The following ADRA1A variants were observed in gnomAD, a reference collection of about 807,000 sequenced individuals.
ADRA1A encodes alpha-1A adrenergic receptor.
A neutral mutation model predicts 29.6 loss-of-function variants in ADRA1A; 31 were observed. That is an observed-to-expected ratio of 1.05 (90% CI 0.79 to 1.41). The LOEUF is 1.41. Among genes scored for constraint, ADRA1A ranks in the 40% most tolerant of loss-of-function variants. The pLI is 0.00. For missense variants in ADRA1A, 619 were observed against 601.1 expected (o/e 1.03, Z -0.31); for synonymous variants, 311 against 254.3 (o/e 1.22, Z -2.12).
intron 2 of ADRA1A, among the ~76,000 whole-genome samples, chr8:26,807,095 C>T (rs370828574): frequency 6.6e-6 from 1 of 152,168 alleles, no homozygotes; most frequent in Non-Finnish European, 1.5e-5. Flanking sequence ...CAAAAAGAAG[C>T]CTTGTAATAC....
intron 2 of ADRA1A, among the ~76,000 whole-genome samples, chr8:26,828,031 C>G (rs6997414): frequency 0.077 from 11,640 of 152,004 alleles, 1,465 homozygotes; most frequent in African/African-American, 0.27. Context: ...GTAGCTGGGA[C>G]CACAGGCATG....
chr8:26,851,530 A>G (rs553993234), intron 2 of ADRA1A, among the ~76,000 whole-genome samples: 10 of 152,342 alleles, frequency 6.6e-5, no homozygotes, highest in African/African-American at 2.4e-4. Context: ...ACAAATACCC[A>G]TATTAGAAAC....
chr8:26,803,581 T>C (rs1808755407), intron 2 of ADRA1A, among the ~76,000 whole-genome samples: 1 of 152,162 alleles, frequency 6.6e-6, no homozygotes. Flanking sequence ...ATAAATAAGC[T>C]TGATCAAAAT....
At chr8:26,755,265 C>T (rs546028983), downstream of ADRA1A, among the ~76,000 whole-genome samples, 5 of 151,510 alleles carry the variant, frequency 3.3e-5, no homozygotes, top group African/African-American at 4.8e-5. Flanking sequence ...AAGAGAATCA[C>T]GCAACTGGGA....
chr8:26,812,281 C>T (rs1350377335), intron 2 of ADRA1A, among the ~76,000 whole-genome samples: 1 of 152,194 alleles, frequency 6.6e-6, no homozygotes, highest in African/African-American at 2.4e-5. Flanking sequence ...ACCTATTTTT[C>T]TTCTGAGGCT....
In ADRA1A at chr8:26,803,462, G is replaced by C. The variant is rs184792131; in HGVS notation, c.884-32796C>G. Among the ~76,000 whole-genome samples, 421 of 152,196 alleles carry C rather than the reference G, an allele frequency of 2.8e-3. 8 individuals are homozygous for C. Among genetic ancestry groups the C allele is most frequent in the Admixed American group, 0.023 (359 of 15,280 alleles). On this transcript the variant is annotated intron_variant, in intron 2 of 2. Coordinates refer to ENST00000380573, the MANE Select transcript of ADRA1A (RefSeq NM_000680.4). The stretch of plus-strand genomic sequence containing the variant: ...ATGGAGTCTGAACATAAACATAAAA[G>C]CTAAACCTATAAAGCTTTAAGAAGA...
chr8:26,865,313 G>A lies in ADRA1A; in HGVS notation c.-344C>T. 8.9e-7 allele frequency: 1 copy of A among 1,126,662 alleles called. No homozygotes were observed. The highest frequency in any genetic ancestry group is 1.1e-6 in the Non-Finnish European group (1 of 919,676). 69.8% of individuals were successfully genotyped at this position (1,126,662 alleles called of 1,614,324 possible). A position where few individuals can be genotyped will look rare whatever the true frequency, so the allele number is the denominator to read the frequency against. On this transcript the variant is annotated 5_prime_UTR_variant, in exon 2 of 3. Coordinates refer to ENST00000380573, the MANE Select transcript of ADRA1A (RefSeq NM_000680.4). This position sits in a 1 kb window ranked among gnomAD's most constrained non-coding sequence, Gnocchi z 7.6. ...AGATCCAGGAGACTCCTTGCAACAT[G>A]CAATTCCAGAATTACGAGAATCTGC...
chr8:26,766,180 GGTGA>G (rs771285520), downstream of ADRA1A: 9 of 1,400,702 alleles, frequency 6.4e-6, no homozygotes, highest in Non-Finnish European at 9.1e-6. Flanking sequence ...TTGGAATACA[GGTGA>G]GTGAGAGTGA....
chr8:26,842,717 G>A (rs111343525), intron 2 of ADRA1A, among the ~76,000 whole-genome samples: 5,469 of 152,038 alleles, frequency 0.036, 151 homozygotes, highest in African/African-American at 0.077. Context: ...TGATTTCATG[G>A]CCAAAACCTT....
At chr8:26,857,634 C>T (rs1813147723) in intron 2 of ADRA1A, among the ~76,000 whole-genome samples, 1 of 152,084 alleles carries the variant, frequency 6.6e-6, no homozygotes, top group African/African-American at 2.4e-5. Context: ...GAACTCCAGT[C>T]TGGGTGAAAG....
Position 26,775,287 on chromosome 8 carries a change from C to A in ADRA1A, c.884-4621G>T, listed in dbSNP as rs566700795. On this transcript the variant is annotated intron_variant, in intron 2 of 2. Coordinates refer to ENST00000380573, the MANE Select transcript of ADRA1A (RefSeq NM_000680.4). This position sits in a 1 kb window ranked among gnomAD's most constrained non-coding sequence, Gnocchi z 4.1. ...CAGTGTGGCTTGGTTTTCTTTTCTG[C>A]GTGATGGCTGTAGCCTCATATTATC... Among the ~76,000 whole-genome samples, 1 of 152,140 alleles carries A rather than the reference C, an allele frequency of 6.6e-6. No individual in the cohort carries two copies. Among genetic ancestry groups the A allele is most frequent in the Non-Finnish European group, 1.5e-5 (1 of 68,024 alleles).
intron 2 of ADRA1A, among the ~76,000 whole-genome samples, chr8:26,801,886 A>C (rs1452075113): frequency 6.6e-6 from 1 of 152,200 alleles, no homozygotes; most frequent in Non-Finnish European, 1.5e-5. Flanking sequence ...GTACCGGCAT[A>C]AAAACAGACA....
intron 2 of ADRA1A, among the ~76,000 whole-genome samples, chr8:26,838,643 G>A (rs917035905): frequency 8.5e-5 from 13 of 152,184 alleles, no homozygotes; most frequent in Admixed American, 8.5e-4. Flanking sequence ...GCCCTGGAGA[G>A]AAGGAAGCTT....
intron 2 of ADRA1A, among the ~76,000 whole-genome samples, chr8:26,853,149 T>G (rs757830931): frequency 6.6e-6 from 1 of 152,172 alleles, no homozygotes; most frequent in Non-Finnish European, 1.5e-5. Context: ...AAAATACATT[T>G]TAAATCTAGA....
chr8:26,753,020 A>G (rs573842647), downstream of ADRA1A, among the ~76,000 whole-genome samples: 93 of 152,310 alleles, frequency 6.1e-4, no homozygotes, highest in East Asian at 3.9e-3. Context: ...TTAGGAGCCT[A>G]TAACAGCTGC....
At chr8:26,862,140 C>T (rs1175692393) in intron 2 of ADRA1A, among the ~76,000 whole-genome samples, 2 of 152,144 alleles carry the variant, frequency 1.3e-5, no homozygotes. Flanking sequence ...ACTTGACTGC[C>T]CCCTCCCTGT....
At chr8:26,804,796 C>G (rs1262722661) in intron 2 of ADRA1A, among the ~76,000 whole-genome samples, 1 of 152,062 alleles carries the variant, frequency 6.6e-6, no homozygotes, top group Non-Finnish European at 1.5e-5. Context: ...TGTCAGAGAG[C>G]AAATGAGATG....
Position 26,825,364 on chromosome 8 carries a change from G to T in ADRA1A, c.883+38723C>A, listed in dbSNP as rs2130618396. 7.0e-6 allele frequency among the ~76,000 whole-genome samples: 1 copy of T among 142,644 alleles called. No individual in the cohort carries two copies. Among genetic ancestry groups the T allele is most frequent in the African/African-American group, 2.5e-5 (1 of 39,990 alleles). 93.6% of individuals were successfully genotyped at this position (142,644 alleles called of 152,430 possible). A position where few individuals can be genotyped will look rare whatever the true frequency, so the allele number is the denominator to read the frequency against. ...TCTTCCATGAAACACTCAAGTGGGA[G>T]AGTTTGGTTGTTTGACAAAAAATGG... On this transcript the variant is annotated intron_variant, in intron 2 of 2. Transcript: ENST00000380573. This position sits in a 1 kb window ranked among gnomAD's most constrained non-coding sequence, Gnocchi z 5.7.
intron 2 of ADRA1A, among the ~76,000 whole-genome samples, chr8:26,795,153 G>A (rs553397229): frequency 6.6e-6 from 1 of 152,146 alleles, no homozygotes; most frequent in African/African-American, 2.4e-5. Flanking sequence ...GCTGATTCCA[G>A]GTCTGGCCAG....
Sources: allele counts gnomAD v4.1 joint callset (sites outside exome capture counted in the v4.1 genomes callset), GRCh38; gene constraint gnomAD v4.1.1; non-coding constraint Gnocchi (gnomAD v3.1); transcripts MANE v1.5; gene names NCBI Gene and HGNC (gene_info 2026-07-23, HGNC 2026-07-21).